Variants in SLIT2 observed in about 807,000 individuals in gnomAD.
SLIT2 encodes the protein slit homolog 2 protein.
In SLIT2, 41 loss-of-function variants were observed where a neutral mutation model predicts 185.7. That is an observed-to-expected ratio of 0.22 (90% confidence interval 0.17 to 0.29). The LOEUF (loss-of-function observed/expected upper bound fraction) is 0.29, where lower values mean the gene tolerates loss of function less well. SLIT2 is among the 10% of genes least tolerant of loss of function. The probability of loss-of-function intolerance (pLI) is 1.00; values close to 1 mark genes in which losing one functional copy is unlikely to be tolerated. For missense variants in SLIT2, 1,571 were observed against 1,909.0 expected, an observed-to-expected ratio of 0.82 and a Z score of 3.30; for synonymous variants, 693 against 680.2, an observed-to-expected ratio of 1.02 and a Z score of -0.29.
At chr4:20,489,281 T>G (rs1305184690) in intron 8 of SLIT2, among the ~76,000 whole-genome samples, 1 of 152,214 alleles carries the variant, frequency 6.6e-6, no homozygotes, top group African/African-American at 2.4e-5. Flanking sequence ...ATTTTCCCAT[T>G]AAGTAACAAT....
intron 11 of SLIT2, among the ~76,000 whole-genome samples, chr4:20,518,717 G>A (rs376180147): frequency 0.2 from 25,153 of 128,684 alleles, 2,664 homozygotes; most frequent in African/African-American, 0.3. Flanking sequence ...CCATTCTCCT[G>A]CCTCAGCCTC....
At chr4:20,516,169 C>G (rs1289799065) in intron 11 of SLIT2, among the ~76,000 whole-genome samples, 1 of 152,192 alleles carries the variant, frequency 6.6e-6, no homozygotes, top group Non-Finnish European at 1.5e-5. Context: ...CCAGCTATTG[C>G]TGCCTCTTAC....
intron 10 of SLIT2, 57 bp from the exon 11 acceptor site, chr4:20,511,009 G>A (rs368519634): frequency 5.0e-5 from 55 of 1,098,976 alleles, no homozygotes; most frequent in Non-Finnish European, 6.9e-5. Flanking sequence ...AGCTTTTTCC[G>A]CAGTAAATCT....
At chr4:20,600,413 ATTTTTTTTTTTTTTTTTT>A (rs1281627568) in intron 33 of SLIT2, among the ~76,000 whole-genome samples, 1 of 89,500 alleles carries the variant, frequency 1.1e-5, no homozygotes, top group Non-Finnish European at 2.1e-5. Context: ...ATTATGTTGC[ATTTTTTTTTTTTTTTTTT>A]TTTTTTTTGG....
intron 4 of SLIT2, among the ~76,000 whole-genome samples, chr4:20,308,801 A>G (rs1212753958): frequency 1.3e-5 from 2 of 152,196 alleles, no homozygotes; most frequent in African/African-American, 4.8e-5. Flanking sequence ...AGTAATGTCA[A>G]GTTTCTAGTT....
chr4:20,405,091 T>C (rs1726675320), intron 4 of SLIT2, among the ~76,000 whole-genome samples: 1 of 151,934 alleles, frequency 6.6e-6, no homozygotes, highest in African/African-American at 2.4e-5. Context: ...AAAAAATACA[T>C]ATAACACATG....
intron 8 of SLIT2, chr4:20,490,908 C>T (rs1338923600): frequency 3.2e-6 from 3 of 946,976 alleles, no homozygotes; most frequent in Non-Finnish European, 4.9e-6. Context: ...GCAGCCTCTT[C>T]CTGGCACGTC....
At chr4:20,329,538 T>C (rs575943307) in intron 4 of SLIT2, among the ~76,000 whole-genome samples, 1 of 152,138 alleles carries the variant, frequency 6.6e-6, no homozygotes, top group East Asian at 1.9e-4. Flanking sequence ...AGCATTTGTG[T>C]AAGGATTGAC....
chr4:20,309,122 A>G (rs907078430), intron 4 of SLIT2, among the ~76,000 whole-genome samples: 3 of 152,164 alleles, frequency 2.0e-5, no homozygotes, highest in Non-Finnish European at 4.4e-5. Flanking sequence ...GATATGGTCA[A>G]TTTAACAATG....
intron 5 of SLIT2, among the ~76,000 whole-genome samples, chr4:20,472,370 C>CTATATATATA (rs1447396602): frequency 5.3e-4 from 12 of 22,466 alleles, no homozygotes; most frequent in Non-Finnish European, 8.7e-4. Context: ...ATATAGATAT[C>CTATATATATA]TATATCTATA....
chr4:20,366,931 G>T (rs1162829340), intron 4 of SLIT2, among the ~76,000 whole-genome samples: 1 of 151,880 alleles, frequency 6.6e-6, no homozygotes, highest in Non-Finnish European at 1.5e-5. Flanking sequence ...CCAAATAGCT[G>T]GGACTACAGG....
chr4:20,342,328 C>A (rs1182482291), intron 4 of SLIT2, among the ~76,000 whole-genome samples: 1 of 151,950 alleles, frequency 6.6e-6, no homozygotes, highest in Non-Finnish European at 1.5e-5. Flanking sequence ...TCTAATAATT[C>A]CAGACAATAT....
Position 20,546,075 on chromosome 4 carries a change from C to T in SLIT2, c.2321C>T (p.Ser774Phe). Residue 774 changes from serine to phenylalanine, a missense_variant, in exon 22 of 37, where the codon TCC becomes TTC. Ser to Phe is a radical substitution (Grantham distance 155, BLOSUM62 -2). This residue lies in a region of SLIT2 where 1,202 missense variants were observed against 1,416.4 expected (regional missense o/e 0.85). Coordinates refer to ENST00000504154, the MANE Select transcript of SLIT2 (RefSeq NM_004787.4). ...TTTACACTGGTTCCCAAGGAACTCT[C>T]CAACTACAAACATTTAACACTTATG... is the stretch of plus-strand genomic sequence containing the variant. Reference protein sequence around the residue: ...NQFTLVPKELSNYKHLTLIDL... With the variant: ...NQFTLVPKELFNYKHLTLIDL... 6.3e-7 allele frequency: 1 copy of T among 1,587,924 alleles called. No homozygotes were observed.
At chr4:20,438,599 G>T (rs182885447) in intron 4 of SLIT2, among the ~76,000 whole-genome samples, 7 of 152,116 alleles carry the variant, frequency 4.6e-5, no homozygotes, top group Non-Finnish European at 8.8e-5. Flanking sequence ...AACCATATCA[G>T]CCTTCAAGCA....
chr4:20,424,103 A>G (rs189182333), intron 4 of SLIT2, among the ~76,000 whole-genome samples: 10 of 152,294 alleles, frequency 6.6e-5, no homozygotes, highest in African/African-American at 2.2e-4. Context: ...GAGTTGGCAT[A>G]GAACATACGT....
intron 4 of SLIT2, among the ~76,000 whole-genome samples, chr4:20,305,245 A>T (rs1270288888): frequency 1.3e-5 from 2 of 152,130 alleles, no homozygotes; most frequent in Admixed American, 6.5e-5. Flanking sequence ...GGAGGTGTAA[A>T]TACACACACA....
chr4:20,366,694 A>G (rs1241956677), intron 4 of SLIT2, among the ~76,000 whole-genome samples: 1 of 152,180 alleles, frequency 6.6e-6, no homozygotes, highest in African/African-American at 2.4e-5. Flanking sequence ...GGAGAGGGGA[A>G]GAACTGAGTT....
At chr4:20,441,543 C>G (rs934786747) in intron 4 of SLIT2, among the ~76,000 whole-genome samples, 1 of 139,378 alleles carries the variant, frequency 7.2e-6, no homozygotes, top group African/African-American at 2.6e-5. Context: ...CTCTCTCTCT[C>G]TCTCTGTCTC....
In SLIT2 at chr4:20,589,567, C is replaced by A. The variant is rs548492107; in HGVS notation, c.3089-77C>A. 32 of 1,094,584 alleles carry A rather than the reference C, an allele frequency of 2.9e-5. No homozygotes were observed. The African/African-American group carries it at 4.4e-4, about 15-fold the overall frequency. The allele number at this position is 1,094,584 out of a possible 1,614,324, so 67.8% of individuals were successfully genotyped here. A position where few individuals can be genotyped will look rare whatever the true frequency, so the allele number is the denominator to read the frequency against. On this transcript the variant is annotated intron_variant, in intron 29 of 36. Coordinates refer to ENST00000504154, the MANE Select transcript of SLIT2 (RefSeq NM_004787.4). ...ACAAGCTGCCCTAACCTCTAAGACC[C>A]ATGACAATGACACAGTCTGCTGGCA...
Sources: allele counts gnomAD v4.1 joint callset (sites outside exome capture counted in the v4.1 genomes callset), GRCh38; gene constraint gnomAD v4.1.1; regional missense constraint gnomAD v4.1.1; transcripts MANE v1.5; gene names NCBI Gene and HGNC (gene_info 2026-07-23, HGNC 2026-07-21).